Variants in BLOC1S2 observed in about 807,000 individuals in gnomAD.
BLOC1S2 encodes the protein biogenesis of lysosomal organelles complex 1 subunit 2.
A neutral mutation model predicts 19.6 loss-of-function variants in BLOC1S2; 12 were observed. The observed-to-expected ratio is 0.61, with a 90% CI of 0.39 to 0.99. The LOEUF is 0.99. Ranked by LOEUF, BLOC1S2 falls within the 50% of genes least tolerant of loss-of-function variation. The pLI, the probability that BLOC1S2 is intolerant of heterozygous loss-of-function variation, is 0.00. For missense variants in BLOC1S2, 142 were observed against 171.0 expected (o/e 0.83, Z 0.95); for synonymous variants, 66 against 64.1 (o/e 1.03, Z -0.14).
chr10:100,278,004 G>A (rs1477769774), intron 4 of BLOC1S2, among the ~76,000 whole-genome samples: 1 of 123,262 alleles, frequency 8.1e-6, no homozygotes, highest in Non-Finnish European at 1.7e-5. Flanking sequence ...GTCCGGGAGG[G>A]AGGTGAGGGA....
chr10:100,285,082 G>GAA (rs200718402), intron 2 of BLOC1S2, among the ~76,000 whole-genome samples: 18 of 147,842 alleles, frequency 1.2e-4, no homozygotes, highest in Non-Finnish European at 2.1e-4. Context: ...AACAGAAAAA[G>GAA]AAAAAAAAAA....
Position 100,286,214 on chromosome 10 carries a change from C to G in BLOC1S2, c.56-1G>C, listed in dbSNP as rs1331359831. On this transcript the variant is annotated splice_acceptor_variant, in intron 1 of 4. Transcript: ENST00000370372. LOFTEE classifies it high-confidence loss of function. ...TCAGCTGTCTCCACGGCGGCATCGT[C>G]TGGGCCAAGGGAGAATGACTAAGTG... 6.2e-7 allele frequency: 1 copy of G among 1,613,840 alleles called. No homozygotes were observed. Among genetic ancestry groups the G allele is most frequent in the Non-Finnish European group, 8.5e-7 (1 of 1,179,854 alleles).
At chr10:100,280,258 A>G (rs1171486808) in intron 3 of BLOC1S2, 30 bp from the exon 4 acceptor site, 12 of 1,544,198 alleles carry the variant, frequency 7.8e-6, no homozygotes, top group Non-Finnish European at 1.1e-5. Flanking sequence ...CTTCATGTTT[A>G]TATGGCTTTA....
rs1196775274 is a variant in BLOC1S2, at chr10:100,280,930, T to C, written c.292+4A>G. ...CATGTTTAATTACAAATATTATTAC[T>C]TACATTTCTGGTTTAAGTCCTTTAA... On this transcript the variant is annotated splice_donor_region_variant and intron_variant, in intron 3 of 4. Coordinates refer to ENST00000370372, the MANE Select transcript of BLOC1S2 (RefSeq NM_173809.5). 1.2e-6 allele frequency: 2 copies of C among 1,606,934 alleles called. No individual in the cohort carries two copies.
chr10:100,283,124 G>C (rs1848150379), intron 2 of BLOC1S2, among the ~76,000 whole-genome samples: 2 of 152,126 alleles, frequency 1.3e-5, no homozygotes, highest in African/African-American at 4.8e-5. Context: ...CAGCTATTTT[G>C]GCTGATGGCA....
intron 4 of BLOC1S2, among the ~76,000 whole-genome samples, chr10:100,277,075 C>G (rs1273887025): frequency 4.0e-5 from 6 of 151,474 alleles, no homozygotes; most frequent in Non-Finnish European, 7.4e-5. Flanking sequence ...TCCTCCCGGC[C>G]GCCATCCCAT....
rs558473842 is a variant in BLOC1S2, at chr10:100,283,735, C to T, written c.172+2362G>A. ...AAAATAAAAATAAAAATTAGCCAGG[C>T]GTGGTGGCGTGTGCTTGTAATCCCA... On this transcript the variant is annotated intron_variant, in intron 2 of 4. Transcript: ENST00000370372. Among the ~76,000 whole-genome samples, 7 of 152,156 alleles carry T rather than the reference C, an allele frequency of 4.6e-5. No individual in the cohort carries two copies. In the East Asian group the frequency reaches 7.7e-4, roughly 17 times the overall value.
chr10:100,286,050 G>A (rs373415529), intron 2 of BLOC1S2, 47 bp downstream of exon 2: 1 of 1,603,830 alleles, frequency 6.2e-7, no homozygotes, highest in South Asian at 1.1e-5. Context: ...CATCTCCCAG[G>A]CCTCCTGGGC....
At position 100,275,241 on chromosome 10, in the gene BLOC1S2, G is replaced by T. The variant is rs1013660268; in HGVS notation, c.*221C>A. ...ATATGGCAAAGCATTCAAGTAAAAG[G>T]TAGGAAGTTATAAGTGTGAGATTCT... On this transcript the variant is annotated 3_prime_UTR_variant, in exon 5 of 5. Transcript: ENST00000370372. 5 of 477,624 alleles carry T rather than the reference G, an allele frequency of 1.0e-5. No individual in the cohort carries two copies. The highest frequency in any genetic ancestry group is 7.5e-6 in the Non-Finnish European group (2 of 268,000). The allele number at this position is 477,624 out of a possible 1,614,324, so 29.6% of individuals were successfully genotyped here. A position where few individuals can be genotyped will look rare whatever the true frequency, so the allele number is the denominator to read the frequency against.
At chr10:100,277,705 T>TG (rs1190213700) in intron 4 of BLOC1S2, among the ~76,000 whole-genome samples, 1 of 96,762 alleles carries the variant, frequency 1.0e-5, no homozygotes, top group Admixed American at 1.1e-4. Flanking sequence ...GGGAGGGAGG[T>TG]GGGGGGCTCA....
At chr10:100,282,897 C>A (rs888473117) in intron 2 of BLOC1S2, 7 of 398,498 alleles carry the variant, frequency 1.8e-5, no homozygotes, top group Non-Finnish European at 3.1e-5. Context: ...TTAGCCTAGG[C>A]TCTCTTACCT....
intron 2 of BLOC1S2, 91 bp downstream of exon 2, chr10:100,286,006 G>A: frequency 6.5e-7 from 1 of 1,529,262 alleles, no homozygotes; most frequent in Admixed American, 1.9e-5. Flanking sequence ...GGGCATGCAG[G>A]GTAGGAAGGG....
rs769220731 is a variant in BLOC1S2 at position 100,275,489 on chromosome 10, G to C, written c.402C>G (p.Ala134=). 17 of 1,604,046 alleles carry C rather than the reference G, an allele frequency of 1.1e-5. No homozygotes were observed. Among genetic ancestry groups the C allele is most frequent in the Non-Finnish European group, 1.4e-5 (17 of 1,173,650 alleles). The change falls in exon 5 of 5, where the codon GCC becomes GCG. Residue 134 remains alanine, a synonymous_variant. Coordinates refer to ENST00000370372, the MANE Select transcript of BLOC1S2 (RefSeq NM_173809.5). ...ATCGCTTCTCCAGCTTCTTGTACTTGGCTTCTGTGAGGGATGAGGGAGAGT... is the reference window on the plus strand; with the variant it reads ...ATCGCTTCTCCAGCTTCTTGTACTTCGCTTCTGTGAGGGATGAGGGAGAGT... ...KLDAYSKKLE[A]KYKKLEKR is the part of the protein sequence containing the mutation.
rs998880622 is a variant in BLOC1S2, at chr10:100,274,348, T to C, written c.*1114A>G. The stretch of plus-strand genomic sequence containing the variant: ...ACTACAGGGTTCTAAGCAGGAGTAA[T>C]AGGGCCAGTTTACATTTTTAAGATT... On this transcript the variant is annotated 3_prime_UTR_variant, in exon 5 of 5. Transcript: ENST00000370372. 2 of 152,378 alleles carry C rather than the reference T, an allele frequency of 1.3e-5. No individual in the cohort carries two copies. The highest frequency in any genetic ancestry group is 2.4e-5 in the African/African-American group (1 of 41,422). 9.4% of individuals were successfully genotyped at this position (152,378 alleles called of 1,614,324 possible). A position where few individuals can be genotyped will look rare whatever the true frequency, so the allele number is the denominator to read the frequency against.
intron 4 of BLOC1S2, among the ~76,000 whole-genome samples, chr10:100,277,511 G>A (rs1847933075): frequency 8.3e-6 from 1 of 119,844 alleles, no homozygotes; most frequent in Non-Finnish European, 1.8e-5. Flanking sequence ...GAGGTGGGGG[G>A]GTCAGCCCCC....
intron 4 of BLOC1S2, among the ~76,000 whole-genome samples, chr10:100,277,367 C>CGGGA (rs1847922447): frequency 1.5e-5 from 2 of 136,802 alleles, no homozygotes; most frequent in Middle Eastern, 4.7e-3. Flanking sequence ...CCGCCCCGTC[C>CGGGA]GGGAGGTGAG....
intron 2 of BLOC1S2, among the ~76,000 whole-genome samples, chr10:100,284,038 T>G (rs904852040): frequency 6.6e-6 from 1 of 152,222 alleles, no homozygotes; most frequent in Non-Finnish European, 1.5e-5. Flanking sequence ...CAATATGCAA[T>G]CCTCTTAGCC....
intron 3 of BLOC1S2, 74 bp downstream of exon 3, chr10:100,280,860 T>G: frequency 6.7e-7 from 1 of 1,485,630 alleles, no homozygotes. Context: ...TCATGTTCCC[T>G]CCTCTTCTCC....
At chr10:100,286,529 C>A in intron 1 of BLOC1S2, 76 bp downstream of exon 1, 1 of 1,583,958 alleles carries the variant, frequency 6.3e-7, no homozygotes, top group Non-Finnish European at 8.6e-7. Context: ...TGAGCCACCA[C>A]ACACTCAACC....
Sources: gnomAD v4.1 joint callset for allele counts (sites outside exome capture counted in the v4.1 genomes callset) on GRCh38, gnomAD v4.1.1 for gene constraint, MANE v1.5 for transcripts, NCBI Gene and HGNC (gene_info 2026-07-23, HGNC 2026-07-21) for gene names.